Variants in DLGAP2 observed in about 807,000 individuals in gnomAD.
DLGAP2 encodes DLG associated protein 2, also known as disks large-associated protein 2.
Under a neutral mutation model 100.3 loss-of-function variants are expected in DLGAP2, and 26 were observed. The observed-to-expected ratio is 0.26, with a 90% CI of 0.19 to 0.36. DLGAP2 has a LOEUF of 0.36. Among genes scored for constraint, DLGAP2 ranks in the 10% least tolerant of loss-of-function variants. The pLI is 1.00. For synonymous variants in DLGAP2, 886 were observed against 630.1 expected (o/e 1.41, Z -6.08); for missense variants, 1,858 against 1,453.2 (o/e 1.28, Z -4.53).
intron 3 of DLGAP2, among the ~76,000 whole-genome samples, chr8:1,273,698 C>T (rs963601988): frequency 2.6e-5 from 4 of 152,224 alleles, no homozygotes; most frequent in Admixed American, 2.0e-4. Context: ...AATTCTCCAG[C>T]CCATGTGGTA....
chr8:1,176,078 G>A (rs905945748), intron 2 of DLGAP2, among the ~76,000 whole-genome samples: 3 of 152,120 alleles, frequency 2.0e-5, no homozygotes, highest in African/African-American at 4.8e-5. Flanking sequence ...CTGAAACTGG[G>A]TAATTTATAA....
chr8:944,995 C>T (rs967537435), intron 2 of DLGAP2, among the ~76,000 whole-genome samples: 2 of 152,162 alleles, frequency 1.3e-5, no homozygotes, highest in Non-Finnish European at 2.9e-5. Context: ...TTGGTCACTT[C>T]TGGGTGTTTA....
chr8:1,241,076 GACGTGT>G (rs1798782010), intron 2 of DLGAP2, among the ~76,000 whole-genome samples: 1 of 40,892 alleles, frequency 2.4e-5, no homozygotes, highest in Non-Finnish European at 4.6e-5. Flanking sequence ...CTCACATGGT[GACGTGT>G]CTAGTTCTCT....
At chr8:795,415 C>T (rs533643100) in intron 1 of DLGAP2, among the ~76,000 whole-genome samples, 1 of 152,312 alleles carries the variant, frequency 6.6e-6, no homozygotes, top group South Asian at 2.1e-4. Flanking sequence ...ACTGTCTAGA[C>T]AGCACCTCAG....
At chr8:1,491,369 C>CAGAGGCTTCGGGCCGCTCCCCCTGACCCA (rs1563180279) in intron 3 of DLGAP2, among the ~76,000 whole-genome samples, 1 of 152,128 alleles carries the variant, frequency 6.6e-6, no homozygotes, top group Non-Finnish European at 1.5e-5. Flanking sequence ...CCCCTGACCC[C>CAGAGGCTTCGGGCCGCTCCCCCTGACCCA]GGAGGCTTCG....
intron 3 of DLGAP2, among the ~76,000 whole-genome samples, chr8:1,455,770 A>C (rs1201262232): frequency 6.6e-6 from 1 of 152,180 alleles, no homozygotes; most frequent in East Asian, 1.9e-4. Context: ...CCCCAGCTGC[A>C]TCATGCCACT....
intron 2 of DLGAP2, among the ~76,000 whole-genome samples, chr8:1,206,330 A>C (rs1238415465): frequency 6.8e-6 from 1 of 148,104 alleles, no homozygotes; most frequent in Admixed American, 6.7e-5. Context: ...ACTGGGGTAG[A>C]CTGTGAATGG....
rs377345526 is a variant in DLGAP2 at position 1,315,919 on chromosome 8, G to A, written c.106+57036G>A. On this transcript the variant is annotated intron_variant, in intron 3 of 14. Coordinates refer to ENST00000637795, the MANE Select transcript of DLGAP2 (RefSeq NM_001346810.2). The stretch of plus-strand genomic sequence containing the variant: ...ACTTGGCAGCTTTTAAAAATAGAGC[G>A]TGTGCGAGTGCAGCCTCTCTCCAAC... 1.0e-3 allele frequency among the ~76,000 whole-genome samples: 136 copies of A among 130,224 alleles called. 13 individuals carry two copies. The highest frequency in any genetic ancestry group is 1.2e-3 in the Non-Finnish European group (74 of 60,316). The allele number at this position is 130,224 out of a possible 152,430, so 85.4% of individuals were successfully genotyped here. A position where few individuals can be genotyped will look rare whatever the true frequency, so the allele number is the denominator to read the frequency against.
At chr8:1,679,742 G>T (rs898552523) in intron 12 of DLGAP2, among the ~76,000 whole-genome samples, 1 of 152,212 alleles carries the variant, frequency 6.6e-6, no homozygotes, top group Non-Finnish European at 1.5e-5. Context: ...AGCACTTTAG[G>T]AGGCTGAGGC....
chr8:1,376,647 C>T (rs992124398), intron 3 of DLGAP2, among the ~76,000 whole-genome samples: 1 of 152,028 alleles, frequency 6.6e-6, no homozygotes, highest in South Asian at 2.1e-4. Flanking sequence ...GCTGCCAAGA[C>T]CCTCACTCTG....
intron 2 of DLGAP2, among the ~76,000 whole-genome samples, chr8:1,022,279 C>G (rs1480033981): frequency 6.7e-6 from 1 of 150,194 alleles, no homozygotes; most frequent in African/African-American, 2.5e-5. Flanking sequence ...AGTGGACACT[C>G]CCGTGCCGAG....
intron 3 of DLGAP2, among the ~76,000 whole-genome samples, chr8:1,335,887 G>A (rs148679313): frequency 8.6e-5 from 13 of 151,740 alleles, no homozygotes; most frequent in East Asian, 1.9e-4. Context: ...CCGGGGCTGC[G>A]CGTGGTGACG....
chr8:1,143,893 C>T (rs1255568068), intron 2 of DLGAP2, among the ~76,000 whole-genome samples: 2 of 152,224 alleles, frequency 1.3e-5, no homozygotes, highest in Non-Finnish European at 2.9e-5. Context: ...CCATTGCTAG[C>T]TCAGCTAGCA....
Position 980,550 on chromosome 8 carries a change from C to G in DLGAP2, c.73+72584C>G, listed in dbSNP as rs1563126278. Reference sequence around the variant, plus strand: ...GGTGCTTATTTCTGTTCTCTCTTCGCCAATTCATTCGCTCAAGGTTGTGAA... The same window carrying G: ...GGTGCTTATTTCTGTTCTCTCTTCGGCAATTCATTCGCTCAAGGTTGTGAA... On this transcript the variant is annotated intron_variant, in intron 2 of 14. Transcript: ENST00000637795. Among the ~76,000 whole-genome samples, 3 of 152,178 alleles carry G rather than the reference C, an allele frequency of 2.0e-5. No individual in the cohort carries two copies. In the East Asian group the frequency reaches 5.8e-4, roughly 29 times the overall value.
chr8:1,343,075 C>A (rs1359379200), intron 3 of DLGAP2, among the ~76,000 whole-genome samples: 1 of 152,208 alleles, frequency 6.6e-6, no homozygotes, highest in Non-Finnish European at 1.5e-5. Flanking sequence ...ACCGGAGACA[C>A]AAACACTGGC....
chr8:833,129 T>C (rs536024444), intron 1 of DLGAP2, among the ~76,000 whole-genome samples: 2 of 152,168 alleles, frequency 1.3e-5, no homozygotes, highest in Non-Finnish European at 2.9e-5. Flanking sequence ...ACAGTGTTTC[T>C]AAAAAATGGC....
chr8:873,961 G>T (rs996924849), intron 1 of DLGAP2, among the ~76,000 whole-genome samples: 1 of 152,060 alleles, frequency 6.6e-6, no homozygotes, highest in Non-Finnish European at 1.5e-5. Context: ...TTCTAGAAAT[G>T]TGTCCATTTC....
chr8:1,603,263 G>C (rs188576227), intron 6 of DLGAP2, among the ~76,000 whole-genome samples: 1,729 of 150,402 alleles, frequency 0.011, 16 homozygotes, highest in African/African-American at 0.041. Context: ...TAGAGTGGAG[G>C]CTGGGTCTCA....
intron 2 of DLGAP2, among the ~76,000 whole-genome samples, chr8:1,082,800 C>T (rs908002109): frequency 6.6e-6 from 1 of 152,146 alleles, no homozygotes; most frequent in Admixed American, 6.5e-5. Context: ...TCAGTGGTGA[C>T]TAATTTGGTT....
Sources: allele counts gnomAD v4.1 joint callset (sites outside exome capture counted in the v4.1 genomes callset), GRCh38; gene constraint gnomAD v4.1.1; transcripts MANE v1.5; gene names NCBI Gene and HGNC (gene_info 2026-07-23, HGNC 2026-07-21).